ARPC2: variants seen among roughly 807,000 people sequenced by gnomAD.
ARPC2 encodes the protein actin related protein 2/3 complex subunit 2, also known as actin-related protein 2/3 complex subunit 2.
Under a neutral mutation model 38.6 loss-of-function variants are expected in ARPC2, and 4 were observed. The ratio of observed to expected loss-of-function variants is 0.10; its 90% CI spans 0.05 to 0.24. The LOEUF (loss-of-function observed/expected upper bound fraction) is 0.24, where lower values mean the gene tolerates loss of function less well. Among genes scored for constraint, ARPC2 ranks in the 10% least tolerant of loss-of-function variants. The pLI is 1.00. For missense variants in ARPC2, 229 were observed against 387.3 expected (o/e 0.59, Z 3.43); for synonymous variants, 125 against 140.8 (o/e 0.89, Z 0.79).
intron 10 of ARPC2, chr2:218,253,041 G>C (rs1690231472): frequency 2.2e-6 from 1 of 455,406 alleles, no homozygotes; most frequent in East Asian, 6.9e-5. Flanking sequence ...TGGTGGGTAG[G>C]AGTTAAGTGA....
At chr2:218,242,029 A>G (rs1689928391) in intron 7 of ARPC2, among the ~76,000 whole-genome samples, 1 of 152,218 alleles carries the variant, frequency 6.6e-6, no homozygotes, top group Admixed American at 6.5e-5. Context: ...TGAGAACACT[A>G]TTTGAAGTTC....
chr2:218,217,633 G>A (rs755278382), intron 2 of ARPC2, 89 bp downstream of exon 2: 344 of 1,340,574 alleles, frequency 2.6e-4, no homozygotes, highest in Non-Finnish European at 3.4e-4. Context: ...CAGACCTGGA[G>A]GAGAGAAATG....
chr2:218,250,943 C>G (rs1690174171), intron 10 of ARPC2, among the ~76,000 whole-genome samples: 1 of 152,068 alleles, frequency 6.6e-6, no homozygotes, highest in Admixed American at 6.5e-5. Context: ...TCTCAGCTCA[C>G]TGCAGCCTCT....
At chr2:218,251,532 CAGGCTCAA>C (rs1690191123) in intron 10 of ARPC2, among the ~76,000 whole-genome samples, 5 of 152,090 alleles carry the variant, frequency 3.3e-5, no homozygotes, top group Non-Finnish European at 7.4e-5. Flanking sequence ...GATCCCCAGC[CAGGCTCAA>C]CCTCCTGGGC....
chr2:218,243,501 G>A (rs1370396718), intron 7 of ARPC2, among the ~76,000 whole-genome samples: 1 of 152,236 alleles, frequency 6.6e-6, no homozygotes, highest in Admixed American at 6.5e-5. Flanking sequence ...GTCCCAGTCA[G>A]GCACAGTGGC....
At chr2:218,248,362 G>A (rs1480655610) in intron 8 of ARPC2, among the ~76,000 whole-genome samples, 5 of 152,220 alleles carry the variant, frequency 3.3e-5, no homozygotes, top group Non-Finnish European at 7.3e-5. Flanking sequence ...GGGTTTTGCA[G>A]ATAGTGAGTA....
intron 7 of ARPC2, among the ~76,000 whole-genome samples, chr2:218,241,931 A>C (rs1209176047): frequency 6.6e-6 from 1 of 152,206 alleles, no homozygotes; most frequent in Non-Finnish European, 1.5e-5. Flanking sequence ...GGATTTTCCC[A>C]AAAAATAAAT....
At chr2:218,251,254 C>G (rs1690183453) in intron 10 of ARPC2, among the ~76,000 whole-genome samples, 1 of 152,184 alleles carries the variant, frequency 6.6e-6, no homozygotes, top group Non-Finnish European at 1.5e-5. Flanking sequence ...TCTTGAAGCA[C>G]AGGCTGGAGT....
At chr2:218,228,416 TC>T (rs1339793817) in intron 3 of ARPC2, among the ~76,000 whole-genome samples, 1 of 150,896 alleles carries the variant, frequency 6.6e-6, no homozygotes, top group Non-Finnish European at 1.5e-5. Flanking sequence ...AAAAAAAAAA[TC>T]GTTGAAGCCT....
intron 2 of ARPC2, among the ~76,000 whole-genome samples, chr2:218,220,978 A>G (rs1262713399): frequency 6.6e-6 from 1 of 152,228 alleles, no homozygotes; most frequent in East Asian, 1.9e-4. Flanking sequence ...AGGTCTGATC[A>G]ACAGCATTGC....
intron 2 of ARPC2, among the ~76,000 whole-genome samples, chr2:218,221,791 G>A (rs1689388934): frequency 6.6e-6 from 1 of 152,192 alleles, no homozygotes; most frequent in Admixed American, 6.5e-5. Flanking sequence ...GCTTAGTGGA[G>A]AATAGGACCA....
chr2:218,243,270 T>C lies in ARPC2; in HGVS notation c.550-2150T>C, dbSNP rs542937385. The stretch of plus-strand genomic sequence containing the variant: ...AATGCCTTGTATATATTTGGATTTA[T>C]TCCGAACTTCCTATGATAAATAGTA... On this transcript the variant is annotated intron_variant, in intron 7 of 10. Coordinates refer to ENST00000315717, the MANE Select transcript of ARPC2 (RefSeq NM_152862.3). Among the ~76,000 whole-genome samples the C allele has an allele frequency of 3.9e-5, 6 of 152,348 alleles. No homozygotes were observed. In the East Asian group the frequency reaches 9.6e-4, roughly 24 times the overall value.
chr2:218,242,012 T>G (rs1689927987), intron 7 of ARPC2, among the ~76,000 whole-genome samples: 1 of 152,254 alleles, frequency 6.6e-6, no homozygotes, highest in South Asian at 2.1e-4. Context: ...CACAGAAAGT[T>G]GTACCCTGAG....
At chr2:218,252,758 C>T (rs900657215) in intron 10 of ARPC2, among the ~76,000 whole-genome samples, 1 of 152,162 alleles carries the variant, frequency 6.6e-6, no homozygotes, top group Non-Finnish European at 1.5e-5. Context: ...AGCTGCTGCC[C>T]GATTCCACAG....
In ARPC2 at chr2:218,217,488, G is replaced by A. The variant is rs1689279872; in HGVS notation, c.18G>A (p.Val6=). The A allele has an allele frequency of 6.2e-7, 1 of 1,613,772 alleles. No individual in the cohort carries two copies. The highest frequency in any genetic ancestry group is 1.7e-5 in the Admixed American group (1 of 59,990). The change falls in exon 2 of 11, where the codon GTG becomes GTA. Residue 6 remains valine (V), a synonymous_variant. Transcript: ENST00000315717. MILLE[V]NNRIIEETLA... is the part of the protein sequence containing the mutation. ...CCGCCGCCATGATCCTGCTGGAGGT[G>A]AACAACCGCATCATCGAGGAGACGC...
chr2:218,228,679 T>G, intron 3 of ARPC2, 59 bp from the exon 4 acceptor site: 1 of 1,093,688 alleles, frequency 9.1e-7, no homozygotes, highest in South Asian at 1.3e-5. Context: ...AGGTAGGCGC[T>G]TGGAGAGATT....
At chr2:218,229,993 G>A (rs1394194811) in intron 4 of ARPC2, among the ~76,000 whole-genome samples, 1 of 150,530 alleles carries the variant, frequency 6.6e-6, no homozygotes, top group African/African-American at 2.4e-5. Context: ...TTTTTGAGGT[G>A]GAGTCTCACT....
intron 7 of ARPC2, among the ~76,000 whole-genome samples, chr2:218,239,793 A>G (rs886720352): frequency 1.3e-5 from 2 of 151,526 alleles, no homozygotes; most frequent in African/African-American, 4.8e-5. Context: ...GGGTTTCTCC[A>G]TGTTGGTCAG....
At chr2:218,250,234 A>T (rs777504161) in intron 10 of ARPC2, among the ~76,000 whole-genome samples, 24 of 152,248 alleles carry the variant, frequency 1.6e-4, no homozygotes, top group Middle Eastern at 3.4e-3. Flanking sequence ...CTTTCTGGAG[A>T]GATGGAGTAA....
Sources: gnomAD v4.1 joint callset for allele counts (sites outside exome capture counted in the v4.1 genomes callset) on GRCh38, gnomAD v4.1.1 for gene constraint, MANE v1.5 for transcripts, NCBI Gene and HGNC (gene_info 2026-07-23, HGNC 2026-07-21) for gene names.